The following PDE3B variants were observed in gnomAD, a reference collection of about 807,000 sequenced individuals.
PDE3B encodes the protein cGMP-inhibited 3',5'-cyclic phosphodiesterase 3B.
Under a neutral mutation model 116.8 loss-of-function variants are expected in PDE3B, and 66 were observed. The observed-to-expected ratio is 0.56, with a 90% CI of 0.46 to 0.69. The LOEUF is 0.69. Among genes scored for constraint, PDE3B ranks in the 30% least tolerant of loss-of-function variants. PDE3B has a pLI of 0.00. For synonymous variants in PDE3B, 595 were observed against 533.6 expected (o/e 1.12, Z -1.59); for missense variants, 1,384 against 1,368.1 (o/e 1.01, Z -0.18).
chr11:14,691,725 A>G (rs1001625659), intron 1 of PDE3B, among the ~76,000 whole-genome samples: 2 of 152,184 alleles, frequency 1.3e-5, no homozygotes, highest in African/African-American at 2.4e-5. Context: ...GTACGTATAT[A>G]TTGTCAGATA....
chr11:14,759,463 A>G (rs961493903), intron 1 of PDE3B, among the ~76,000 whole-genome samples: 2 of 152,106 alleles, frequency 1.3e-5, no homozygotes, highest in Non-Finnish European at 2.9e-5. Flanking sequence ...AGTTCAGTCT[A>G]ATTGTAGTTC....
the PDE3B span, chr11:14,891,227 G>A: frequency 1.0e-6 from 1 of 985,098 alleles, no homozygotes; most frequent in African/African-American, 1.7e-5. Context: ...GCAGAATGAG[G>A]AGGAGCGAAG....
intron 7 of PDE3B, among the ~76,000 whole-genome samples, chr11:14,827,393 A>G (rs977174173): frequency 2.0e-5 from 3 of 152,178 alleles, no homozygotes; most frequent in Non-Finnish European, 2.9e-5. Flanking sequence ...CTGTTTGCAG[A>G]CATGATTCTA....
chr11:14,694,548 T>C (rs1350960916), intron 1 of PDE3B, among the ~76,000 whole-genome samples: 1 of 152,192 alleles, frequency 6.6e-6, no homozygotes, highest in Non-Finnish European at 1.5e-5. Context: ...TTTTTAGCAA[T>C]AGAGTATTTT....
chr11:14,743,288 G>T (rs1283130861), intron 1 of PDE3B, among the ~76,000 whole-genome samples: 1 of 152,180 alleles, frequency 6.6e-6, no homozygotes, highest in African/African-American at 2.4e-5. Context: ...GAGGAAGTCT[G>T]GCTATAGTGG....
chr11:14,844,771 G>A (rs994587299), intron 12 of PDE3B, among the ~76,000 whole-genome samples: 2 of 152,248 alleles, frequency 1.3e-5, no homozygotes, highest in Non-Finnish European at 2.9e-5. Context: ...CAAGGCAGCA[G>A]CAAGGCTGGG....
rs532448964 is a variant in PDE3B, at chr11:14,811,460, A to T, written c.1523-6723A>T. 5.3e-4 allele frequency among the ~76,000 whole-genome samples: 81 copies of T among 152,288 alleles called. 1 individual carries two copies. Among genetic ancestry groups the T allele is most frequent in the African/African-American group, 1.9e-3 (80 of 41,566 alleles). On this transcript the variant is annotated intron_variant, in intron 5 of 15. Transcript: ENST00000282096. ...ATTGCTTGTTTTTCTCAGGTTTGTCAAAGATCAGATAGTTGTAGATATGCG... is the reference window on the plus strand; with the variant it reads ...ATTGCTTGTTTTTCTCAGGTTTGTCTAAGATCAGATAGTTGTAGATATGCG...
chr11:14,849,800 A>G (rs1361269574), intron 12 of PDE3B, among the ~76,000 whole-genome samples: 2 of 152,158 alleles, frequency 1.3e-5, no homozygotes, highest in Non-Finnish European at 2.9e-5. Flanking sequence ...ACCATCTCAC[A>G]CCAGTTAGAA....
chr11:14,668,142 A>G (rs1223695619), intron 1 of PDE3B, among the ~76,000 whole-genome samples: 6 of 152,048 alleles, frequency 3.9e-5, no homozygotes, highest in East Asian at 1.9e-4. Context: ...TGTCTTTCCA[A>G]TATTGGACAT....
chr11:14,737,478 G>A (rs1176678955), intron 1 of PDE3B, among the ~76,000 whole-genome samples: 2 of 151,542 alleles, frequency 1.3e-5, no homozygotes, highest in East Asian at 3.9e-4. Flanking sequence ...GATTACAGGC[G>A]TGAGCCACTG....
chr11:14,866,505 TAC>T (rs1555008092), intron 14 of PDE3B, among the ~76,000 whole-genome samples: 3 of 152,214 alleles, frequency 2.0e-5, no homozygotes, highest in African/African-American at 7.2e-5. Context: ...TCTGTGAAAT[TAC>T]AGAGTCCTAT....
chr11:14,712,384 CCT>C (rs1471635687), intron 1 of PDE3B, among the ~76,000 whole-genome samples: 1 of 151,462 alleles, frequency 6.6e-6, no homozygotes, highest in Non-Finnish European at 1.5e-5. Context: ...CACGCCCAAT[CCT>C]GTTTTCTTTT....
At chr11:14,690,635 A>T (rs79041962) in intron 1 of PDE3B, among the ~76,000 whole-genome samples, 14 of 148,754 alleles carry the variant, frequency 9.4e-5, no homozygotes, top group Non-Finnish European at 1.9e-4. Flanking sequence ...TTTTTTTTAA[A>T]GAAGGCCCCC....
chr11:14,892,133 G>A, the PDE3B span: 7 of 1,611,562 alleles, frequency 4.3e-6, no homozygotes, highest in Non-Finnish European at 5.9e-6. Context: ...CGGACCCCTA[G>A]CGCGAAGAGC....
At position 14,828,336 on chromosome 11, in the gene PDE3B, A is replaced by G. The variant is rs143571718; in HGVS notation, c.1808-2362A>G. 4.3e-3 allele frequency among the ~76,000 whole-genome samples: 658 copies of G among 152,370 alleles called. 31 individuals are homozygous for G. The East Asian group carries it at 0.11, about 25-fold the overall frequency. On this transcript the variant is annotated intron_variant, in intron 7 of 15. Transcript: ENST00000282096. ...TTGACAAATGGGATGTAATTATACT[A>G]AAGAGCTTCTGCACAGCAAAATAAA...
At chr11:14,817,348 A>C (rs1039894574) in intron 5 of PDE3B, among the ~76,000 whole-genome samples, 1 of 152,142 alleles carries the variant, frequency 6.6e-6, no homozygotes, top group African/African-American at 2.4e-5. Context: ...TGATGAGTTA[A>C]TGGGTGCAGC....
chr11:14,884,318 T>C, the PDE3B span, among the ~76,000 whole-genome samples: 1 of 152,018 alleles, frequency 6.6e-6, no homozygotes, highest in African/African-American at 2.4e-5. Flanking sequence ...GAAGAAAATG[T>C]GGCACATATA....
At chr11:14,835,183 T>C in intron 11 of PDE3B, 88 bp downstream of exon 11, 1 of 793,168 alleles carries the variant, frequency 1.3e-6, no homozygotes, top group East Asian at 2.6e-5. Flanking sequence ...CTTTTAAGTT[T>C]TTCATTAAGT....
intron 3 of PDE3B, among the ~76,000 whole-genome samples, chr11:14,787,285 C>T (rs192808160): frequency 2.6e-5 from 4 of 151,832 alleles, no homozygotes; most frequent in African/African-American, 9.6e-5. Flanking sequence ...ATGCATTATC[C>T]TTGTTCAGAG....
Sources: gnomAD v4.1 joint callset for allele counts (sites outside exome capture counted in the v4.1 genomes callset) on GRCh38, gnomAD v4.1.1 for gene constraint, MANE v1.5 for transcripts, NCBI Gene and HGNC (gene_info 2026-07-23, HGNC 2026-07-21) for gene names.